CORIN: variants seen among roughly 807,000 people sequenced by gnomAD.
CORIN encodes corin, serine peptidase.
In CORIN, 117 loss-of-function variants were observed where a neutral mutation model predicts 125.3. The ratio of observed to expected loss-of-function variants is 0.93; its 90% CI spans 0.80 to 1.09. CORIN has a LOEUF of 1.09. CORIN is among the 50% of genes least tolerant of loss of function. CORIN has a pLI of 0.00. For missense variants in CORIN, 1,253 were observed against 1,306.7 expected (o/e 0.96, Z 0.63); for synonymous variants, 450 against 466.4 (o/e 0.96, Z 0.45).
In CORIN at chr4:47,677,939, G is replaced by A; in HGVS notation, c.1248C>T (p.Val416=). The part of the protein sequence containing the change: ...KDGSDEENCS[V]IQTSCQEGDQ... ...TCTGGGGTGGTGGGACACACTTACT[G>A]ACGCTGCAGTTCTCCTCATCACTCC... is the stretch of plus-strand genomic sequence containing the variant. Residue 416 remains valine, a splice_region_variant and synonymous_variant, in exon 9 of 22, where the codon GTC becomes GTT. Coordinates refer to ENST00000273857, the MANE Select transcript of CORIN (RefSeq NM_006587.4). 1 of 1,605,710 alleles carries A rather than the reference G, an allele frequency of 6.2e-7. No homozygotes were observed. Among genetic ancestry groups the A allele is most frequent in the Non-Finnish European group, 8.5e-7 (1 of 1,172,394 alleles).
At chr4:47,768,289 T>C (rs1479403356) in intron 3 of CORIN, among the ~76,000 whole-genome samples, 1 of 152,206 alleles carries the variant, frequency 6.6e-6, no homozygotes, top group Non-Finnish European at 1.5e-5. Flanking sequence ...ACACAAAGCC[T>C]GTTCGGTGGT....
chr4:47,731,844 G>A (rs1448581339), intron 5 of CORIN, among the ~76,000 whole-genome samples: 3 of 151,806 alleles, frequency 2.0e-5, no homozygotes, highest in African/African-American at 7.3e-5. Flanking sequence ...ACTCCAGCCT[G>A]GGTGACAGAG....
At chr4:47,802,869 G>C (rs1577936241) in intron 2 of CORIN, among the ~76,000 whole-genome samples, 1 of 152,152 alleles carries the variant, frequency 6.6e-6, no homozygotes, top group Non-Finnish European at 1.5e-5. Context: ...GTGGCCATGG[G>C]GATGTTGTGT....
At chr4:47,800,570 T>C (rs1204591093) in intron 2 of CORIN, among the ~76,000 whole-genome samples, 2 of 152,070 alleles carry the variant, frequency 1.3e-5, no homozygotes, top group Non-Finnish European at 1.5e-5. Flanking sequence ...AGACAACTAC[T>C]GAAGGGCGCT....
In CORIN at chr4:47,680,253, T is replaced by C. The variant is rs2109712120; in HGVS notation, c.1022-2A>G. On this transcript the variant is annotated splice_acceptor_variant, in intron 7 of 21. Transcript: ENST00000273857. LOFTEE classifies it high-confidence loss of function. ...GATGCTCTGTTGTGGGATTGCAATC[T>C]GGAGAAATGAAAACTCACGAGGATG... 1.2e-6 allele frequency: 2 copies of C among 1,610,508 alleles called. No individual in the cohort carries two copies. The highest frequency in any genetic ancestry group is 1.7e-4 in the Middle Eastern group (1 of 6,056).
At chr4:47,620,729 GGT>G (rs1722272400) in intron 19 of CORIN, among the ~76,000 whole-genome samples, 1 of 152,180 alleles carries the variant, frequency 6.6e-6, no homozygotes, top group African/African-American at 2.4e-5. Flanking sequence ...GTGTCTTACT[GGT>G]TGATGCCAGG....
chr4:47,609,456 T>A (rs1447833212), intron 19 of CORIN, among the ~76,000 whole-genome samples: 2 of 152,184 alleles, frequency 1.3e-5, no homozygotes, highest in Non-Finnish European at 2.9e-5. Context: ...GCCTATCTGG[T>A]GTTGAACTCC....
At chr4:47,793,361 T>A (rs1731160990) in intron 2 of CORIN, among the ~76,000 whole-genome samples, 1 of 152,052 alleles carries the variant, frequency 6.6e-6, no homozygotes, top group Non-Finnish European at 1.5e-5. Flanking sequence ...CCAAGAGGGG[T>A]ATCAGTGTAA....
At chr4:47,812,434 G>C (rs1282560117) in intron 1 of CORIN, among the ~76,000 whole-genome samples, 1 of 152,136 alleles carries the variant, frequency 6.6e-6, no homozygotes, top group Non-Finnish European at 1.5e-5. Flanking sequence ...GAACCCATGA[G>C]ACTGAGGTTG....
rs773644434 is a variant in CORIN at position 47,744,472 on chromosome 4, A to C, written c.729T>G (p.Phe243Leu). Residue 243 changes from phenylalanine (F) to leucine (L), a missense_variant, in exon 5 of 22, where the codon TTT becomes TTG. By Grantham distance (22) the Phe-to-Leu change is conservative (BLOSUM62 0). Coordinates refer to ENST00000273857, the MANE Select transcript of CORIN (RefSeq NM_006587.4). ...SWPDFLRCSQFRNQTESSNVS... is the reference protein window; with the variant it reads ...SWPDFLRCSQLRNQTESSNVS... ...CATTGCTGCTTTCAGTTTGGTTTCTAAACTGGGAGCATCTGAGGAAATCCG... is the reference window on the plus strand; with the variant it reads ...CATTGCTGCTTTCAGTTTGGTTTCTCAACTGGGAGCATCTGAGGAAATCCG... 1 of 1,614,126 alleles carries C rather than the reference A, an allele frequency of 6.2e-7. No individual in the cohort carries two copies. Among genetic ancestry groups the C allele is most frequent in the Non-Finnish European group, 8.5e-7 (1 of 1,180,004 alleles).
At chr4:47,830,279 A>G (rs563778097) in intron 1 of CORIN, among the ~76,000 whole-genome samples, 2 of 152,142 alleles carry the variant, frequency 1.3e-5, no homozygotes, top group East Asian at 1.9e-4. Context: ...GTACCAGATT[A>G]ATTAATTGGC....
intron 1 of CORIN, among the ~76,000 whole-genome samples, chr4:47,822,512 C>T (rs1229739209): frequency 6.6e-6 from 1 of 152,176 alleles, no homozygotes; most frequent in Non-Finnish European, 1.5e-5. Context: ...TTTCACGTCT[C>T]TTTAGTCTTC....
At chr4:47,751,373 C>G (rs922690531) in intron 4 of CORIN, among the ~76,000 whole-genome samples, 2 of 152,174 alleles carry the variant, frequency 1.3e-5, no homozygotes, top group Admixed American at 1.3e-4. Context: ...CCTTTGCCTT[C>G]CAGTCAACTT....
intron 6 of CORIN, among the ~76,000 whole-genome samples, chr4:47,689,452 GT>G (rs1725669280): frequency 6.6e-6 from 1 of 151,980 alleles, no homozygotes; most frequent in South Asian, 2.1e-4. Flanking sequence ...TTACTACACC[GT>G]ATTACACTCG....
chr4:47,801,120 G>A (rs144168955), intron 2 of CORIN, among the ~76,000 whole-genome samples: 29 of 152,136 alleles, frequency 1.9e-4, no homozygotes, highest in African/African-American at 6.8e-4. Flanking sequence ...CATCATATTT[G>A]GTCACAATTT....
intron 5 of CORIN, among the ~76,000 whole-genome samples, chr4:47,732,917 C>A (rs972541580): frequency 6.6e-6 from 1 of 152,084 alleles, no homozygotes; most frequent in African/African-American, 2.4e-5. Flanking sequence ...ACCCCCACCC[C>A]ACCACTGTCT....
At chr4:47,686,758 A>G (rs920441828) in intron 6 of CORIN, among the ~76,000 whole-genome samples, 2 of 152,206 alleles carry the variant, frequency 1.3e-5, no homozygotes, top group South Asian at 4.1e-4. Flanking sequence ...AAGTATACGC[A>G]TGCATTCGCC....
At chr4:47,797,614 A>T (rs908724601) in intron 2 of CORIN, among the ~76,000 whole-genome samples, 1 of 152,132 alleles carries the variant, frequency 6.6e-6, no homozygotes, top group African/African-American at 2.4e-5. Context: ...TTTAATTCTT[A>T]TGGACAGAGT....
rs189950529 is a variant in CORIN, at chr4:47,677,374, C to T, written c.1249+564G>A. Among the ~76,000 whole-genome samples the T allele has an allele frequency of 2.0e-5, 3 of 152,232 alleles. No homozygotes were observed. In the East Asian group the frequency reaches 5.8e-4, roughly 29 times the overall value. On this transcript the variant is annotated intron_variant, in intron 9 of 21. Transcript: ENST00000273857. Reference sequence around the variant, plus strand: ...ATGTTTGAGTCTAGGCATATTCTTCCCTGGACCCTACTGAGAGGCTTCCAC... The same window carrying T: ...ATGTTTGAGTCTAGGCATATTCTTCTCTGGACCCTACTGAGAGGCTTCCAC...
Sources: gnomAD v4.1 joint callset for allele counts (sites outside exome capture counted in the v4.1 genomes callset) on GRCh38, gnomAD v4.1.1 for gene constraint, MANE v1.5 for transcripts, NCBI Gene and HGNC (gene_info 2026-07-23, HGNC 2026-07-21) for gene names.